Variants in AFF3 observed in about 807,000 individuals in gnomAD.
AFF3 encodes the protein ALF transcription elongation factor 3.
AFF3 carries 32 observed loss-of-function variants against 129.7 expected under a neutral mutation model. That is an observed-to-expected ratio of 0.25 (90% CI 0.19 to 0.33). The LOEUF (loss-of-function observed/expected upper bound fraction) is 0.33. Ranked by LOEUF, AFF3 falls within the 10% of genes least tolerant of loss-of-function variation. The pLI is 1.00. For missense variants in AFF3, 1,373 were observed against 1,592.0 expected (o/e 0.86, Z 2.34); for synonymous variants, 644 against 635.4 (o/e 1.01, Z -0.20).
At chr2:100,085,897 T>C (rs1473829814) in intron 4 of AFF3, among the ~76,000 whole-genome samples, 1 of 151,944 alleles carries the variant, frequency 6.6e-6, no homozygotes, top group African/African-American at 2.4e-5. Context: ...AATAAACTTG[T>C]GACTCGTGGG....
intron 11 of AFF3, among the ~76,000 whole-genome samples, chr2:99,709,821 T>C (rs1189912466): frequency 1.3e-5 from 2 of 152,216 alleles, no homozygotes; most frequent in Non-Finnish European, 2.9e-5. Context: ...AGCCAATTAA[T>C]CGAACTTGAT....
At chr2:99,789,955 C>T (rs952573888) in intron 8 of AFF3, among the ~76,000 whole-genome samples, 3 of 152,136 alleles carry the variant, frequency 2.0e-5, no homozygotes, top group African/African-American at 4.8e-5. Flanking sequence ...ATTACACATG[C>T]ATGGACCCTG....
intron 8 of AFF3, among the ~76,000 whole-genome samples, chr2:99,812,426 C>T (rs918147190): frequency 5.9e-5 from 9 of 152,356 alleles, no homozygotes; most frequent in South Asian, 2.1e-4. Flanking sequence ...GGAGGACACA[C>T]GTGCTGAGCA....
At chr2:99,558,040 T>A (rs1053383888) in intron 22 of AFF3, among the ~76,000 whole-genome samples, 9 of 152,186 alleles carry the variant, frequency 5.9e-5, no homozygotes, top group Non-Finnish European at 1.2e-4. Flanking sequence ...ATAATTTCAT[T>A]CCCTGAGATA....
At chr2:99,803,933 C>T (rs1003925281) in intron 8 of AFF3, among the ~76,000 whole-genome samples, 32 of 152,086 alleles carry the variant, frequency 2.1e-4, no homozygotes, top group African/African-American at 7.5e-4. Flanking sequence ...AAATCAACTC[C>T]AGACGGATCA....
intron 4 of AFF3, among the ~76,000 whole-genome samples, chr2:100,076,510 T>G (rs912349435): frequency 6.6e-6 from 1 of 152,144 alleles, no homozygotes; most frequent in Admixed American, 6.5e-5. Context: ...CCAAGTTGCC[T>G]AAGAGACAGG....
intron 7 of AFF3, among the ~76,000 whole-genome samples, chr2:99,848,095 C>T (rs1689866596): frequency 6.6e-6 from 1 of 151,604 alleles, no homozygotes; most frequent in Admixed American, 6.6e-5. Flanking sequence ...CCTGTCTCTA[C>T]TAAAATTAGC....
At chr2:99,988,687 A>C (rs187440640) in intron 7 of AFF3, among the ~76,000 whole-genome samples, 1 of 152,324 alleles carries the variant, frequency 6.6e-6, no homozygotes, top group African/African-American at 2.4e-5. Flanking sequence ...GTGGCAGGAA[A>C]GAAATCAGTT....
At chr2:99,872,142 G>T (rs925844241) in intron 7 of AFF3, among the ~76,000 whole-genome samples, 1 of 148,212 alleles carries the variant, frequency 6.7e-6, no homozygotes, top group Non-Finnish European at 1.5e-5. Flanking sequence ...GGAGGTGGAG[G>T]TTGCAGTGAG....
intron 4 of AFF3, among the ~76,000 whole-genome samples, chr2:100,056,061 T>TCACACACA (rs760665941): frequency 0.012 from 1,561 of 133,466 alleles, 30 homozygotes; most frequent in African/African-American, 0.041. Context: ...GCTGTCTCTC[T>TCACACACA]CTCACACACA....
chr2:99,615,719 G>A (rs1191658523), intron 13 of AFF3, among the ~76,000 whole-genome samples: 1 of 152,262 alleles, frequency 6.6e-6, no homozygotes, highest in Non-Finnish European at 1.5e-5. Context: ...CTGGCTGGCG[G>A]GTGGGATGGC....
intron 8 of AFF3, among the ~76,000 whole-genome samples, chr2:99,782,612 GCTTTA>G (rs1416305505): frequency 6.6e-6 from 1 of 152,170 alleles, no homozygotes; most frequent in Non-Finnish European, 1.5e-5. Flanking sequence ...GTCCTTCTAT[GCTTTA>G]CTTTGAGTTT....
At chr2:99,591,483 G>A (rs1314323990) in intron 15 of AFF3, among the ~76,000 whole-genome samples, 1 of 152,106 alleles carries the variant, frequency 6.6e-6, no homozygotes, top group South Asian at 2.1e-4. Flanking sequence ...CACCGTACCC[G>A]GTCTGGTACT....
At chr2:99,796,913 C>A in intron 8 of AFF3, among the ~76,000 whole-genome samples, 1 of 152,098 alleles carries the variant, frequency 6.6e-6, no homozygotes, top group East Asian at 1.9e-4. Flanking sequence ...CAATAATTAG[C>A]CATAGACTAA....
rs534761344 is a variant in AFF3 at position 99,615,894 on chromosome 2, G to C, written c.1185-14273C>G. Among the ~76,000 whole-genome samples the C allele has an allele frequency of 1.1e-3, 168 of 152,364 alleles. 1 individual carries two copies. Among genetic ancestry groups the C allele is most frequent in the Non-Finnish European group, 1.6e-4 (11 of 68,036 alleles). On this transcript the variant is annotated intron_variant, in intron 13 of 24. Transcript: ENST00000672756. ...GCTCTCCCTGCCACTGCAGCTGCTGGATATGGGCAGGGAAGCTCCTACTCG... is the reference window on the plus strand; with the variant it reads ...GCTCTCCCTGCCACTGCAGCTGCTGCATATGGGCAGGGAAGCTCCTACTCG...
At chr2:99,707,719 T>G (rs1677536601) in intron 11 of AFF3, 13 of 916,392 alleles carry the variant, frequency 1.4e-5, no homozygotes, top group Non-Finnish European at 1.7e-5. Flanking sequence ...TTTTTCTTTT[T>G]TTGGCCAATC....
At chr2:99,597,454 G>A (rs1679401801) in intron 14 of AFF3, among the ~76,000 whole-genome samples, 1 of 152,342 alleles carries the variant, frequency 6.6e-6, no homozygotes. Flanking sequence ...GCAAGGGCCA[G>A]GTCTCTGTTT....
chr2:99,908,099 A>T (rs1428914883), intron 7 of AFF3, among the ~76,000 whole-genome samples: 1 of 152,008 alleles, frequency 6.6e-6, no homozygotes, highest in Non-Finnish European at 1.5e-5. Context: ...TGGCTATGTC[A>T]CCTCCTGCCT....
intron 12 of AFF3, among the ~76,000 whole-genome samples, chr2:99,658,894 T>C (rs1464225598): frequency 1.3e-5 from 2 of 152,140 alleles, no homozygotes; most frequent in African/African-American, 4.8e-5. Context: ...GGGGAAACCT[T>C]TATCTGGGGA....
Sources: gnomAD v4.1 joint callset for allele counts (sites outside exome capture counted in the v4.1 genomes callset) on GRCh38, gnomAD v4.1.1 for gene constraint, MANE v1.5 for transcripts, NCBI Gene and HGNC (gene_info 2026-07-23, HGNC 2026-07-21) for gene names.